The following HECTD2 variants were observed in gnomAD, a reference collection of about 807,000 sequenced individuals.
HECTD2 encodes probable E3 ubiquitin-protein ligase HECTD2.
HECTD2 carries 35 observed loss-of-function variants against 103.2 expected under a neutral mutation model. The ratio of observed to expected loss-of-function variants is 0.34; its 90% CI spans 0.26 to 0.45. The LOEUF (loss-of-function observed/expected upper bound fraction) is 0.45, where lower values mean the gene tolerates loss of function less well. Ranked by LOEUF, HECTD2 falls within the 20% of genes least tolerant of loss-of-function variation. HECTD2 has a pLI of 1.00. For synonymous variants in HECTD2, 281 were observed against 329.9 expected, an observed-to-expected ratio of 0.85 and a Z score of 1.61; for missense variants, 596 against 937.4, an observed-to-expected ratio of 0.64 and a Z score of 4.76.
chr10:91,484,355 T>TCAAG, intron 8 of HECTD2, 152 bp from the exon 9 acceptor site: 1 of 1,417,418 alleles, frequency 7.1e-7, no homozygotes, highest in South Asian at 1.3e-5. Flanking sequence ...GGTAAGATTT[T>TCAAG]GTATCTTTTC....
intron 2 of HECTD2, among the ~76,000 whole-genome samples, chr10:91,444,698 A>G (rs150889664): frequency 3.3e-5 from 5 of 152,294 alleles, no homozygotes; most frequent in Non-Finnish European, 5.9e-5. Flanking sequence ...ATATAATTCA[A>G]AAAGAGAAAA....
At position 91,484,565 on chromosome 10, in the gene HECTD2, C is replaced by T. The variant is rs201433936; in HGVS notation, c.880C>T (p.Arg294Cys). The change falls in exon 9 of 21, where the codon CGC (arginine) becomes TGC (cysteine). Residue 294 changes from arginine to cysteine, a missense_variant. Physicochemically the swap from Arg to Cys is radical, Grantham distance 180 (BLOSUM62 -3). Coordinates refer to ENST00000298068, the MANE Select transcript of HECTD2 (RefSeq NM_182765.6). ...GAGATTGCTGCAATTTATTTCTTTA[C>T]GCCTGTTTCCTGCAAAGCCTGAAGA... ...VERLLQFISLRLFPAKPEEFP... is the reference protein window; with the variant it reads ...VERLLQFISLCLFPAKPEEFP... 41 of 1,611,658 alleles carry T rather than the reference C, an allele frequency of 2.5e-5. No homozygotes were observed. Among genetic ancestry groups the T allele is most frequent in the African/African-American group, 9.4e-5 (7 of 74,800 alleles).
At chr10:91,420,592 G>GAA (rs770680688) in intron 1 of HECTD2, among the ~76,000 whole-genome samples, 8 of 105,174 alleles carry the variant, frequency 7.6e-5, no homozygotes, top group Non-Finnish European at 1.0e-4. Context: ...TATCTCAAAA[G>GAA]AAAAAAAAAA....
chr10:91,451,109 T>C (rs1394648973), intron 2 of HECTD2, among the ~76,000 whole-genome samples: 1 of 152,122 alleles, frequency 6.6e-6, no homozygotes, highest in East Asian at 1.9e-4. Flanking sequence ...CAGCAAAGAC[T>C]GGGAACCAAC....
At chr10:91,468,956 AAC>A (rs1491218864) in intron 5 of HECTD2, among the ~76,000 whole-genome samples, 30 of 151,694 alleles carry the variant, frequency 2.0e-4, no homozygotes, top group African/African-American at 7.0e-4. Context: ...AAAAAAAAAA[AAC>A]AAGAGTACAG....
At chr10:91,484,174 A>G (rs866121438) in intron 8 of HECTD2, 1 of 566,408 alleles carries the variant, frequency 1.8e-6, no homozygotes, top group Middle Eastern at 4.2e-4. Flanking sequence ...TGACCATGAA[A>G]ACACAAGTAT....
intron 1 of HECTD2, among the ~76,000 whole-genome samples, chr10:91,419,607 T>G (rs1487263810): frequency 1.3e-5 from 2 of 152,214 alleles, no homozygotes; most frequent in Non-Finnish European, 2.9e-5. Context: ...GTTTAATAAA[T>G]GTATGGTCAG....
At chr10:91,490,259 A>C (rs1440103380) in intron 11 of HECTD2, among the ~76,000 whole-genome samples, 1 of 152,152 alleles carries the variant, frequency 6.6e-6, no homozygotes. Flanking sequence ...CTATTTACAT[A>C]GTTTTTATGA....
At chr10:91,427,909 T>G (rs1843643495) in intron 2 of HECTD2, among the ~76,000 whole-genome samples, 1 of 151,914 alleles carries the variant, frequency 6.6e-6, no homozygotes. Flanking sequence ...TTTTGTCTTT[T>G]GTTGCCATTG....
At chr10:91,473,999 G>A (rs1845819899) in intron 5 of HECTD2, among the ~76,000 whole-genome samples, 1 of 152,100 alleles carries the variant, frequency 6.6e-6, no homozygotes, top group African/African-American at 2.4e-5. Flanking sequence ...TCTAATGTGT[G>A]TAATTAAGAA....
rs1479994891 is a variant in HECTD2 at position 91,498,854 on chromosome 10, A to G, written c.1756-18A>G. The G allele has an allele frequency of 7.0e-7, 1 of 1,434,384 alleles. No individual in the cohort carries two copies. The highest frequency in any genetic ancestry group is 1.2e-5 in the South Asian group (1 of 84,460). The allele number at this position is 1,434,384 out of a possible 1,614,324, so 88.9% of individuals were successfully genotyped here. A position where few individuals can be genotyped will look rare whatever the true frequency, so the allele number is the denominator to read the frequency against. On this transcript the variant is annotated intron_variant, in intron 16 of 20. Coordinates refer to ENST00000298068, the MANE Select transcript of HECTD2 (RefSeq NM_182765.6). Reference sequence around the variant, plus strand: ...TTATATCAACCATATTAATATGTGTAATGGCATCTCCCATCAGGTTTTTCA... The same window carrying G: ...TTATATCAACCATATTAATATGTGTGATGGCATCTCCCATCAGGTTTTTCA...
At chr10:91,463,875 C>A (rs1845440752) in intron 5 of HECTD2, among the ~76,000 whole-genome samples, 1 of 152,180 alleles carries the variant, frequency 6.6e-6, no homozygotes, top group African/African-American at 2.4e-5. Context: ...TGGAAAAATA[C>A]TTGGCATGAT....
chr10:91,476,623 CG>C (rs1244025073), intron 5 of HECTD2, among the ~76,000 whole-genome samples: 1 of 152,196 alleles, frequency 6.6e-6, no homozygotes, highest in Non-Finnish European at 1.5e-5. Flanking sequence ...GAGTGCCAAA[CG>C]GGACTTGGCC....
chr10:91,430,791 T>A (rs1843825372), intron 2 of HECTD2, among the ~76,000 whole-genome samples: 1 of 152,082 alleles, frequency 6.6e-6, no homozygotes, highest in African/African-American at 2.4e-5. Context: ...GTGCGATGGG[T>A]TTCCTGAATA....
intron 1 of HECTD2, among the ~76,000 whole-genome samples, chr10:91,421,430 G>A (rs1443605858): frequency 6.6e-6 from 1 of 151,976 alleles, no homozygotes; most frequent in Non-Finnish European, 1.5e-5. Context: ...GCTTCCCTGG[G>A]CCACATTGGA....
At chr10:91,474,046 G>A (rs930518740) in intron 5 of HECTD2, among the ~76,000 whole-genome samples, 12 of 152,156 alleles carry the variant, frequency 7.9e-5, no homozygotes, top group Admixed American at 7.9e-4. Context: ...CAACACATAA[G>A]TAGAGGAAGC....
intron 2 of HECTD2, among the ~76,000 whole-genome samples, chr10:91,459,600 C>T (rs1047532300): frequency 2.6e-5 from 4 of 152,040 alleles, no homozygotes; most frequent in Admixed American, 6.6e-5. Context: ...TTTCATATAA[C>T]ATTCTTGAAA....
intron 5 of HECTD2, among the ~76,000 whole-genome samples, chr10:91,474,983 T>C (rs563523492): frequency 6.6e-6 from 1 of 152,128 alleles, no homozygotes; most frequent in African/African-American, 2.4e-5. Context: ...GGGAACACAA[T>C]TGGCAAATTC....
chr10:91,436,704 C>G (rs1251184602), intron 2 of HECTD2, among the ~76,000 whole-genome samples: 1 of 151,892 alleles, frequency 6.6e-6, no homozygotes, highest in African/African-American at 2.4e-5. Context: ...TACCATAGTT[C>G]TTATTTTTGC....
Sources: gnomAD v4.1 joint callset for allele counts (sites outside exome capture counted in the v4.1 genomes callset) on GRCh38, gnomAD v4.1.1 for gene constraint, MANE v1.5 for transcripts, NCBI Gene and HGNC (gene_info 2026-07-23, HGNC 2026-07-21) for gene names.